ERBB4: variants seen among roughly 807,000 people sequenced by gnomAD.
The protein encoded by ERBB4 is receptor tyrosine-protein kinase erbB-4.
In ERBB4, 42 loss-of-function variants were observed where a neutral mutation model predicts 158.0. The observed-to-expected ratio is 0.27, with a 90% CI of 0.21 to 0.34. The LOEUF (loss-of-function observed/expected upper bound fraction) is 0.34. Ranked by LOEUF, ERBB4 falls within the 10% of genes least tolerant of loss-of-function variation. The pLI is 1.00. For synonymous variants in ERBB4, 583 were observed against 558.7 expected, an observed-to-expected ratio of 1.04 and a Z score of -0.61; for missense variants, 1,333 against 1,624.1, an observed-to-expected ratio of 0.82 and a Z score of 3.08.
intron 20 of ERBB4, among the ~76,000 whole-genome samples, chr2:211,506,655 C>T (rs1239568609): frequency 2.0e-5 from 3 of 151,914 alleles, no homozygotes; most frequent in Non-Finnish European, 4.4e-5. Flanking sequence ...TTCTGAATGA[C>T]TTTTGGGTAA....
At chr2:211,635,481 T>C (rs2070323192) in intron 16 of ERBB4, among the ~76,000 whole-genome samples, 1 of 152,208 alleles carries the variant, frequency 6.6e-6, no homozygotes, top group African/African-American at 2.4e-5. Context: ...TTAATTACTA[T>C]ATTTGGACCA....
chr2:211,664,642 A>G (rs552656907), intron 15 of ERBB4, among the ~76,000 whole-genome samples: 1 of 152,276 alleles, frequency 6.6e-6, no homozygotes, highest in Non-Finnish European at 1.5e-5. Context: ...TTCAACTGTT[A>G]TCAATATCAA....
intron 1 of ERBB4, among the ~76,000 whole-genome samples, chr2:212,292,715 T>G (rs2086253305): frequency 6.6e-6 from 1 of 152,120 alleles, no homozygotes; most frequent in African/African-American, 2.4e-5. Context: ...ATTATGGCAC[T>G]GTATTATGAA....
chr2:212,408,792 T>C (rs760710760), intron 1 of ERBB4, among the ~76,000 whole-genome samples: 2 of 152,182 alleles, frequency 1.3e-5, no homozygotes, highest in Non-Finnish European at 2.9e-5. Context: ...GCAGCACAGA[T>C]TGGGAACCAG....
chr2:212,359,020 T>C (rs891518022), intron 1 of ERBB4, among the ~76,000 whole-genome samples: 7 of 151,798 alleles, frequency 4.6e-5, no homozygotes, highest in Non-Finnish European at 1.0e-4. Context: ...AAACTGATTA[T>C]GAGAACTCTT....
intron 20 of ERBB4, among the ~76,000 whole-genome samples, chr2:211,469,494 T>C (rs1187430706): frequency 6.6e-6 from 1 of 152,154 alleles, no homozygotes; most frequent in East Asian, 1.9e-4. Flanking sequence ...AGCATTTCAA[T>C]GCAAACAAAA....
chr2:212,169,459 T>C (rs1188027246), intron 1 of ERBB4, among the ~76,000 whole-genome samples: 1 of 152,268 alleles, frequency 6.6e-6, no homozygotes, highest in East Asian at 1.9e-4. Flanking sequence ...GCTAGCCATA[T>C]GCAGAAAATC....
chr2:211,611,551 C>A (rs938825780), intron 19 of ERBB4, among the ~76,000 whole-genome samples: 1 of 150,606 alleles, frequency 6.6e-6, no homozygotes, highest in African/African-American at 2.5e-5. Context: ...ACCCGTGAGA[C>A]CACGAACCCT....
chr2:211,781,940 A>G (rs76483457), intron 4 of ERBB4, among the ~76,000 whole-genome samples: 1,718 of 152,304 alleles, frequency 0.011, 37 homozygotes, highest in African/African-American at 0.039. Context: ...AGGGGGTTGC[A>G]GTAAGACACT....
intron 2 of ERBB4, among the ~76,000 whole-genome samples, chr2:212,065,356 A>T (rs1575589115): frequency 6.6e-6 from 1 of 152,038 alleles, no homozygotes; most frequent in East Asian, 1.9e-4. Context: ...GAACCATGCA[A>T]AATTGCCTAC....
intron 1 of ERBB4, among the ~76,000 whole-genome samples, chr2:212,321,565 G>A (rs1250361609): frequency 6.6e-6 from 1 of 150,390 alleles, no homozygotes; most frequent in Non-Finnish European, 1.5e-5. Flanking sequence ...TGGGCATTGT[G>A]GCACATGCCT....
Position 211,560,262 on chromosome 2 carries a change from C to CTTTTTT in ERBB4, c.2487+1635_2487+1640dup, listed in dbSNP as rs769707072. Among the ~76,000 whole-genome samples the CTTTTTT allele has an allele frequency of 1.8e-3, 82 of 46,312 alleles. 12 individuals carry two copies. Among genetic ancestry groups the CTTTTTT allele is most frequent in the African/African-American group, 2.9e-3 (30 of 10,454 alleles). 30.4% of individuals were successfully genotyped at this position (46,312 alleles called of 152,430 possible). On this transcript the variant is annotated intron_variant, in intron 20 of 27. Transcript: ENST00000342788. ...CAGCACTAACAAATTTGAAGCTTAGCTTTTTTTTTTTTTTTTTTTTTTTTT... is the reference window on the plus strand; with the variant it reads ...CAGCACTAACAAATTTGAAGCTTAGCTTTTTTTTTTTTTTTTTTTTTTTTTTTTTTT...
intron 16 of ERBB4, among the ~76,000 whole-genome samples, chr2:211,652,911 G>A (rs1376103719): frequency 6.6e-6 from 1 of 152,014 alleles, no homozygotes; most frequent in Non-Finnish European, 1.5e-5. Flanking sequence ...GACTTATTGA[G>A]ATTAACAAAT....
intron 3 of ERBB4, among the ~76,000 whole-genome samples, chr2:211,850,914 ACACAATTATATGTATCAGGTTTAAGGCAG>A (rs2077704434): frequency 2.0e-5 from 3 of 152,004 alleles, no homozygotes; most frequent in Non-Finnish European, 4.4e-5. Context: ...TCTGATGTGT[ACACAATTATATGTATCAGGTTTAAGGCAG>A]CACATTTGGA....
At chr2:212,490,773 G>A (rs1039854286) in intron 1 of ERBB4, among the ~76,000 whole-genome samples, 1 of 151,492 alleles carries the variant, frequency 6.6e-6, no homozygotes. Context: ...AATTAACTAC[G>A]GGCTTTAATA....
intron 1 of ERBB4, among the ~76,000 whole-genome samples, chr2:212,156,982 C>G (rs1424127924): frequency 6.6e-6 from 1 of 152,072 alleles, no homozygotes; most frequent in African/African-American, 2.4e-5. Context: ...CTGTTTGTCT[C>G]CAAACTTTTC....
chr2:212,202,564 T>C (rs566256760), intron 1 of ERBB4, among the ~76,000 whole-genome samples: 2 of 152,020 alleles, frequency 1.3e-5, no homozygotes, highest in African/African-American at 2.4e-5. Context: ...TGGTCTTGAA[T>C]CCCTAGGTTC....
intron 19 of ERBB4, among the ~76,000 whole-genome samples, chr2:211,596,402 T>G (rs775425096): frequency 6.6e-6 from 1 of 152,186 alleles, no homozygotes; most frequent in Non-Finnish European, 1.5e-5. Flanking sequence ...TTCTGGCAAT[T>G]TAGCTACATA....
chr2:211,954,661 G>C (rs571052141), intron 2 of ERBB4, among the ~76,000 whole-genome samples: 1 of 151,990 alleles, frequency 6.6e-6, no homozygotes, highest in African/African-American at 2.4e-5. Context: ...GGTAAGAGGG[G>C]GGGTAATAGA....
Sources: gnomAD v4.1 joint callset for allele counts (sites outside exome capture counted in the v4.1 genomes callset) on GRCh38, gnomAD v4.1.1 for gene constraint, MANE v1.5 for transcripts, NCBI Gene and HGNC (gene_info 2026-07-23, HGNC 2026-07-21) for gene names.